NPAS3: variants seen among roughly 807,000 people sequenced by gnomAD.
The protein encoded by NPAS3 is neuronal PAS domain protein 3, also known as neuronal PAS domain-containing protein 3.
A neutral mutation model predicts 73.1 loss-of-function variants in NPAS3; 14 were observed. The ratio of observed to expected loss-of-function variants is 0.19; its 90% confidence interval spans 0.13 to 0.30. NPAS3 has a LOEUF of 0.30. Among genes scored for constraint, NPAS3 ranks in the 10% least tolerant of loss-of-function variants. The pLI is 1.00. For missense variants in NPAS3, 1,096 were observed against 1,250.0 expected, an observed-to-expected ratio of 0.88 and a Z score of 1.86; for synonymous variants, 620 against 541.5, an observed-to-expected ratio of 1.14 and a Z score of -2.01.
rs540308601 is a variant in NPAS3 at position 32,957,974 on chromosome 14, G to A, written c.50+18608G>A. On this transcript the variant is annotated intron_variant, in intron 1 of 11. Coordinates refer to ENST00000356141, the Ensembl canonical transcript of NPAS3. ...ATTGCAGTTACATTCACTGTCCACC[G>A]CTCCAACTCAGTACAGAAAAGCTCC... is the stretch of plus-strand genomic sequence containing the variant. Among the ~76,000 whole-genome samples the A allele has an allele frequency of 1.3e-3, 202 of 152,150 alleles. 1 individual carries two copies. The highest frequency in any genetic ancestry group is 4.5e-3 in the African/African-American group (185 of 41,514).
intron 3 of NPAS3, among the ~76,000 whole-genome samples, chr14:33,234,415 G>A (rs184229374): frequency 3.8e-4 from 58 of 152,180 alleles, no homozygotes; most frequent in Non-Finnish European, 7.5e-4. Context: ...ATAAACTGTG[G>A]TTGCCTCTAT....
At chr14:32,987,017 C>T (rs1328339812) in intron 1 of NPAS3, among the ~76,000 whole-genome samples, 2 of 152,118 alleles carry the variant, frequency 1.3e-5, no homozygotes, top group Non-Finnish European at 1.5e-5. Flanking sequence ...AGCGGTGTGC[C>T]TGGGCCCCAG....
intron 3 of NPAS3, among the ~76,000 whole-genome samples, chr14:33,266,261 T>C (rs2040812192): frequency 6.6e-6 from 1 of 152,196 alleles, no homozygotes; most frequent in South Asian, 2.1e-4. Context: ...TGAAAGGATG[T>C]GTTTTAATTT....
intron 4 of NPAS3, among the ~76,000 whole-genome samples, chr14:33,518,445 A>T: frequency 6.6e-6 from 1 of 152,096 alleles, no homozygotes; most frequent in East Asian, 1.9e-4. Context: ...ACTTACCCTC[A>T]TTGTTCCATT....
At chr14:33,156,287 T>A in intron 2 of NPAS3, among the ~76,000 whole-genome samples, 1 of 152,228 alleles carries the variant, frequency 6.6e-6, no homozygotes, top group Non-Finnish European at 1.5e-5. Context: ...CAGATTGATC[T>A]ATTGAATTTG....
intron 5 of NPAS3, among the ~76,000 whole-genome samples, chr14:33,647,206 T>G (rs1022287314): frequency 1.3e-5 from 2 of 152,058 alleles, no homozygotes; most frequent in African/African-American, 4.8e-5. Context: ...CCTTCCAGAA[T>G]GCACCAAATG....
chr14:33,680,866 T>C, intron 6 of NPAS3: 1 of 513,564 alleles, frequency 1.9e-6, no homozygotes. Context: ...TGGGTTATCA[T>C]GTTTTGTCTA....
At chr14:32,982,632 A>T (rs1261435288) in intron 1 of NPAS3, among the ~76,000 whole-genome samples, 2 of 152,166 alleles carry the variant, frequency 1.3e-5, no homozygotes, top group Non-Finnish European at 2.9e-5. Context: ...AATGTTCAAG[A>T]CTTGAGACAA....
intron 4 of NPAS3, among the ~76,000 whole-genome samples, chr14:33,425,013 A>G (rs1264701798): frequency 6.6e-6 from 1 of 152,052 alleles, no homozygotes; most frequent in Non-Finnish European, 1.5e-5. Flanking sequence ...ATAGAGATGT[A>G]GAAGGAAAAC....
chr14:33,477,969 C>T (rs1390767907), intron 4 of NPAS3, among the ~76,000 whole-genome samples: 1 of 152,100 alleles, frequency 6.6e-6, no homozygotes, highest in Non-Finnish European at 1.5e-5. Context: ...TTTAATGAGG[C>T]TTGCAGCTGA....
At chr14:33,057,644 G>C (rs1349455507) in intron 2 of NPAS3, among the ~76,000 whole-genome samples, 2 of 152,186 alleles carry the variant, frequency 1.3e-5, no homozygotes, top group Non-Finnish European at 1.5e-5. Flanking sequence ...GCTAGCTGTA[G>C]GAATCATCTC....
chr14:33,376,534 C>A (rs1003652809), intron 4 of NPAS3, among the ~76,000 whole-genome samples: 2 of 152,018 alleles, frequency 1.3e-5, no homozygotes, highest in Non-Finnish European at 2.9e-5. Context: ...TCAGGAAATA[C>A]CTGGTAAATA....
chr14:33,438,625 T>C (rs1313136375), intron 4 of NPAS3, among the ~76,000 whole-genome samples: 2 of 152,150 alleles, frequency 1.3e-5, no homozygotes, highest in Non-Finnish European at 2.9e-5. Context: ...TCAGCTGGGG[T>C]ATTTTATTAG....
intron 1 of NPAS3, among the ~76,000 whole-genome samples, chr14:33,040,331 T>TA (rs767829349): frequency 3.3e-5 from 5 of 152,154 alleles, no homozygotes; most frequent in Non-Finnish European, 7.4e-5. Context: ...GCTTTACTTG[T>TA]TTTTGCCAGA....
At chr14:32,972,946 A>G (rs2037498776) in intron 1 of NPAS3, among the ~76,000 whole-genome samples, 1 of 152,210 alleles carries the variant, frequency 6.6e-6, no homozygotes, top group Non-Finnish European at 1.5e-5. Context: ...TTTAATGGTT[A>G]GCACATATGC....
chr14:33,692,033 C>T (rs2060250112), intron 6 of NPAS3, among the ~76,000 whole-genome samples: 1 of 152,052 alleles, frequency 6.6e-6, no homozygotes, highest in Non-Finnish European at 1.5e-5. Flanking sequence ...ATAGTGAGCC[C>T]GGAGAGGGAA....
At chr14:33,042,395 C>T (rs74041769) in intron 1 of NPAS3, among the ~76,000 whole-genome samples, 290 of 152,192 alleles carry the variant, frequency 1.9e-3, no homozygotes, top group African/African-American at 5.3e-3. Context: ...ATGGGAAAGA[C>T]GAATATGTTC....
intron 8 of NPAS3, among the ~76,000 whole-genome samples, chr14:33,774,744 G>A (rs1480313640): frequency 2.0e-5 from 3 of 152,056 alleles, no homozygotes; most frequent in African/African-American, 4.8e-5. Flanking sequence ...TAAATGAATC[G>A]GGATACCCAG....
chr14:33,125,560 A>C (rs1165204324), intron 2 of NPAS3, among the ~76,000 whole-genome samples: 2 of 152,130 alleles, frequency 1.3e-5, no homozygotes, highest in Non-Finnish European at 2.9e-5. Flanking sequence ...TCACCTCTGA[A>C]CTTTATCGAG....
Sources: allele counts gnomAD v4.1 joint callset (sites outside exome capture counted in the v4.1 genomes callset), GRCh38; gene constraint gnomAD v4.1.1; transcripts MANE v1.5; gene names NCBI Gene and HGNC (gene_info 2026-07-23, HGNC 2026-07-21).